The following ROBO2 variants were observed in gnomAD, a reference collection of about 807,000 sequenced individuals.
ROBO2 encodes the protein roundabout homolog 2.
In ROBO2, 53 loss-of-function variants were observed where a neutral mutation model predicts 160.8. That is an observed-to-expected ratio of 0.33 (90% CI 0.26 to 0.41). The LOEUF (loss-of-function observed/expected upper bound fraction) is 0.41. ROBO2 is among the 10% of genes least tolerant of loss of function. ROBO2 has a pLI of 1.00. For missense variants in ROBO2, 1,577 were observed against 1,722.4 expected, an observed-to-expected ratio of 0.92 and a Z score of 1.49; for synonymous variants, 664 against 611.7, an observed-to-expected ratio of 1.09 and a Z score of -1.26.
intron 2 of ROBO2, among the ~76,000 whole-genome samples, chr3:77,170,793 A>G (rs890018246): frequency 4.6e-5 from 7 of 152,152 alleles, no homozygotes; most frequent in Non-Finnish European, 1.0e-4. Context: ...TAAAAATAAA[A>G]TAATCGACCC....
chr3:76,566,837 TCAGCATCCTCA>T (rs1429519585), intron 2 of ROBO2, among the ~76,000 whole-genome samples: 4 of 152,042 alleles, frequency 2.6e-5, no homozygotes, highest in Non-Finnish European at 5.9e-5. Flanking sequence ...CTGCATAACT[TCAGCATCCTCA>T]TCAGATGAAA....
At chr3:76,345,919 A>C (rs2108230533) in intron 2 of ROBO2, among the ~76,000 whole-genome samples, 1 of 152,254 alleles carries the variant, frequency 6.6e-6, no homozygotes, top group African/African-American at 2.4e-5. Context: ...TTTTAAATGT[A>C]AAAGTGCTCC....
intron 2 of ROBO2, among the ~76,000 whole-genome samples, chr3:76,619,829 T>C (rs2088918971): frequency 6.6e-6 from 1 of 152,154 alleles, no homozygotes; most frequent in African/African-American, 2.4e-5. Flanking sequence ...GAGCTTTCAG[T>C]GGCTATTTAC....
rs753474986 is a variant in ROBO2 at position 77,033,637 on chromosome 3, T to C, written c.110-64377T>C. ...GCTTATCATGCCACATAATTTCCAT[T>C]GACATTGTCTATACTAGTCATACCT... is the stretch of plus-strand genomic sequence containing the variant. On this transcript the variant is annotated intron_variant, in intron 2 of 26. Transcript: ENST00000487694. Among the ~76,000 whole-genome samples, 36 of 152,162 alleles carry C rather than the reference T, an allele frequency of 2.4e-4. 1 individual carries two copies. The highest frequency in any genetic ancestry group is 2.9e-5 in the Non-Finnish European group (2 of 68,004).
chr3:76,376,457 A>T (rs1172912798), intron 2 of ROBO2, among the ~76,000 whole-genome samples: 2 of 152,092 alleles, frequency 1.3e-5, no homozygotes, highest in Non-Finnish European at 2.9e-5. Flanking sequence ...TATTATCCCC[A>T]TGTATGCTTT....
intron 21 of ROBO2, among the ~76,000 whole-genome samples, chr3:77,612,811 T>G (rs1268202678): frequency 1.3e-5 from 2 of 151,944 alleles, no homozygotes; most frequent in East Asian, 3.9e-4. Context: ...CTGGGCATGG[T>G]GATGGGTGCC....
intron 2 of ROBO2, among the ~76,000 whole-genome samples, chr3:76,284,941 C>G (rs941660308): frequency 1.3e-5 from 2 of 152,074 alleles, no homozygotes; most frequent in Admixed American, 1.3e-4. Flanking sequence ...TTTTTGTTTT[C>G]CCACTGCTCT....
chr3:76,271,088 G>T (rs550903127), intron 2 of ROBO2, among the ~76,000 whole-genome samples: 1 of 151,872 alleles, frequency 6.6e-6, no homozygotes, highest in Non-Finnish European at 1.5e-5. Flanking sequence ...TCCATCAATC[G>T]GAAAGATGTT....
chr3:76,308,526 C>T (rs142923301), intron 2 of ROBO2, among the ~76,000 whole-genome samples: 1,524 of 152,122 alleles, frequency 0.01, 26 homozygotes, highest in African/African-American at 0.035. Context: ...CTAATATTAA[C>T]GTAGATGGGA....
chr3:76,729,561 A>G, intron 2 of ROBO2, among the ~76,000 whole-genome samples: 1 of 151,760 alleles, frequency 6.6e-6, no homozygotes, highest in Non-Finnish European at 1.5e-5. Context: ...TTCAGTGATT[A>G]TATTTATATT....
intron 2 of ROBO2, among the ~76,000 whole-genome samples, chr3:76,463,263 T>C (rs2078183088): frequency 6.6e-6 from 1 of 152,048 alleles, no homozygotes; most frequent in Admixed American, 6.6e-5. Context: ...TATTTGAATC[T>C]TGTATGAGGT....
intron 2 of ROBO2, among the ~76,000 whole-genome samples, chr3:76,936,425 A>G (rs1214141082): frequency 1.3e-5 from 2 of 152,162 alleles, no homozygotes; most frequent in African/African-American, 4.8e-5. Context: ...GAAATTGAAA[A>G]TAATTTTAAA....
chr3:77,210,194 T>C (rs1398989195), intron 2 of ROBO2, among the ~76,000 whole-genome samples: 1 of 151,554 alleles, frequency 6.6e-6, no homozygotes, highest in African/African-American at 2.4e-5. Context: ...AATTGAGACA[T>C]TTGTACAAAT....
chr3:76,905,142 A>C (rs1341984126), intron 2 of ROBO2, among the ~76,000 whole-genome samples: 1 of 152,158 alleles, frequency 6.6e-6, no homozygotes, highest in Non-Finnish European at 1.5e-5. Context: ...GGGTTAGATA[A>C]ACGAGTGGGA....
chr3:77,476,199 G>A (rs539330541), intron 2 of ROBO2, among the ~76,000 whole-genome samples: 1 of 152,258 alleles, frequency 6.6e-6, no homozygotes, highest in East Asian at 1.9e-4. Flanking sequence ...TTAACCTACA[G>A]ACTTGGCACA....
chr3:76,432,794 A>G (rs1178164972), intron 2 of ROBO2, among the ~76,000 whole-genome samples: 1 of 152,102 alleles, frequency 6.6e-6, no homozygotes, highest in East Asian at 1.9e-4. Context: ...CATAACCGAA[A>G]AAACAGGGCA....
At chr3:77,559,213 A>T (rs1003250586) in intron 9 of ROBO2, among the ~76,000 whole-genome samples, 3 of 152,038 alleles carry the variant, frequency 2.0e-5, no homozygotes, top group African/African-American at 7.2e-5. Context: ...TGACATACTG[A>T]CACTTTTGCA....
intron 2 of ROBO2, among the ~76,000 whole-genome samples, chr3:77,460,281 T>C (rs1048132629): frequency 3.9e-5 from 6 of 152,142 alleles, no homozygotes; most frequent in Non-Finnish European, 7.3e-5. Context: ...GATGATACCA[T>C]GTACAAAGAC....
At chr3:77,303,779 C>T (rs1437571971) in intron 2 of ROBO2, among the ~76,000 whole-genome samples, 1 of 151,606 alleles carries the variant, frequency 6.6e-6, no homozygotes, top group East Asian at 1.9e-4. Context: ...CTTTATTTGA[C>T]AATGAAATAT....
Sources: allele counts gnomAD v4.1 joint callset (sites outside exome capture counted in the v4.1 genomes callset), GRCh38; gene constraint gnomAD v4.1.1; transcripts MANE v1.5; gene names NCBI Gene and HGNC (gene_info 2026-07-23, HGNC 2026-07-21).